RGS6: variants seen among roughly 807,000 people sequenced by gnomAD.
RGS6 encodes regulator of G-protein signaling 6.
Under a neutral mutation model 78.5 loss-of-function variants are expected in RGS6, and 30 were observed. The ratio of observed to expected loss-of-function variants is 0.38; its 90% CI spans 0.29 to 0.52. The LOEUF is 0.52. RGS6 is among the 20% of genes least tolerant of loss of function. The pLI, the probability that RGS6 is intolerant of heterozygous loss-of-function variation, is 0.85. For synonymous variants in RGS6, 206 were observed against 206.0 expected (o/e 1.00, Z 0.00); for missense variants, 495 against 609.7 (o/e 0.81, Z 1.98).
At chr14:72,410,111 T>C (rs1445181691) in intron 3 of RGS6, among the ~76,000 whole-genome samples, 2 of 152,216 alleles carry the variant, frequency 1.3e-5, no homozygotes, top group African/African-American at 2.4e-5. Context: ...ATGGTATTTC[T>C]AGTTCTACAT....
In RGS6 at chr14:72,460,059, C is replaced by T. The variant is rs148259859; in HGVS notation, c.394+376C>T. 7.3e-4 allele frequency among the ~76,000 whole-genome samples: 111 copies of T among 152,280 alleles called. 1 individual carries two copies. The highest frequency in any genetic ancestry group is 2.6e-3 in the African/African-American group (109 of 41,558). ...GGGCTGGATCAAGGGGCTACCTCCTCCTGGCCCTTTCTGTTCTCATAGACT... is the reference window on the plus strand; with the variant it reads ...GGGCTGGATCAAGGGGCTACCTCCTTCTGGCCCTTTCTGTTCTCATAGACT... On this transcript the variant is annotated intron_variant, in intron 6 of 17. Coordinates refer to ENST00000553525, the MANE Select transcript of RGS6 (RefSeq NM_001204424.2).
At chr14:72,584,226 T>G in the RGS6 span, among the ~76,000 whole-genome samples, 41 of 152,298 alleles carry the variant, frequency 2.7e-4, no homozygotes, top group African/African-American at 8.9e-4. Flanking sequence ...ACAGATTCAC[T>G]TAGCCAGTCA....
At chr14:72,352,591 C>A (rs749256284) in intron 3 of RGS6, among the ~76,000 whole-genome samples, 6 of 152,194 alleles carry the variant, frequency 3.9e-5, no homozygotes, top group Admixed American at 1.3e-4. Flanking sequence ...ACTCAGTGTA[C>A]TTGACCTCCT....
chr14:72,106,345 A>G (rs975122780), intron 2 of RGS6, among the ~76,000 whole-genome samples: 106 of 152,184 alleles, frequency 7.0e-4, no homozygotes, highest in African/African-American at 2.2e-3. Context: ...AAATGTTTGC[A>G]CTCCAGTGGA....
chr14:72,128,200 G>A (rs2096244077), intron 2 of RGS6, among the ~76,000 whole-genome samples: 1 of 152,148 alleles, frequency 6.6e-6, no homozygotes, highest in Non-Finnish European at 1.5e-5. Flanking sequence ...AAGAGTTAGA[G>A]TCACTTAGGA....
chr14:71,898,829 G>C, the RGS6 span, among the ~76,000 whole-genome samples: 1 of 152,100 alleles, frequency 6.6e-6, no homozygotes, highest in South Asian at 2.1e-4. Context: ...CCATGTCCCC[G>C]CAAGGGACAT....
chr14:72,206,924 T>C (rs1206917694), intron 2 of RGS6, among the ~76,000 whole-genome samples: 1 of 152,110 alleles, frequency 6.6e-6, no homozygotes, highest in African/African-American at 2.4e-5. Flanking sequence ...CTGTTAATAG[T>C]GGTTATTCTT....
intron 3 of RGS6, chr14:72,421,772 G>A (rs144624389): frequency 2.0e-5 from 3 of 152,130 alleles, no homozygotes; most frequent in African/African-American, 2.4e-5. Context: ...ACCCCTTATC[G>A]CCTGCACCCT....
intron 2 of RGS6, among the ~76,000 whole-genome samples, chr14:72,190,662 A>G (rs2097311918): frequency 6.6e-6 from 1 of 152,266 alleles, no homozygotes; most frequent in Non-Finnish European, 1.5e-5. Context: ...AGAAGCACAG[A>G]GACTTCTACA....
chr14:72,041,692 G>T (rs1424163756), intron 2 of RGS6, among the ~76,000 whole-genome samples: 1 of 152,172 alleles, frequency 6.6e-6, no homozygotes, highest in African/African-American at 2.4e-5. Context: ...TAATTCTGCT[G>T]TTCTTCACTT....
chr14:72,599,397 T>G, the RGS6 span, among the ~76,000 whole-genome samples: 2 of 6,574 alleles, frequency 3.0e-4, no homozygotes, highest in Admixed American at 9.8e-4. Context: ...TCTTTCCTTT[T>G]TTTTTTTTTT....
At chr14:72,108,572 A>T (rs1469601665) in intron 2 of RGS6, among the ~76,000 whole-genome samples, 1 of 151,892 alleles carries the variant, frequency 6.6e-6, no homozygotes, top group African/African-American at 2.4e-5. Flanking sequence ...TCTGTCTTCA[A>T]AATTTATCAA....
rs1433973073 is a variant in RGS6 at position 72,383,201 on chromosome 14, TATATATATATATAC to T, written c.184+31009_184+31022del. Among the ~76,000 whole-genome samples, 5 of 118,944 alleles carry T rather than the reference TATATATATATATAC, an allele frequency of 4.2e-5. 1 individual carries two copies. Among genetic ancestry groups the T allele is most frequent in the African/African-American group, 1.6e-4 (5 of 30,594 alleles). 78.0% of individuals were successfully genotyped at this position (118,944 alleles called of 152,430 possible). A position where few individuals can be genotyped will look rare whatever the true frequency, so the allele number is the denominator to read the frequency against. On this transcript the variant is annotated intron_variant, in intron 3 of 17. Coordinates refer to ENST00000553525, the MANE Select transcript of RGS6 (RefSeq NM_001204424.2). The stretch of plus-strand genomic sequence containing the variant: ...ACATATATATATATATATATATATA[TATATATATATATAC>T]ACACAAACACACTAGTATGTGTGTG...
chr14:72,103,054 T>A (rs1374019273), intron 2 of RGS6, among the ~76,000 whole-genome samples: 1 of 152,178 alleles, frequency 6.6e-6, no homozygotes, highest in African/African-American at 2.4e-5. Flanking sequence ...TTAGGAGGAA[T>A]TTGAGACCTC....
At chr14:71,916,527 T>C in the RGS6 span, among the ~76,000 whole-genome samples, 1,457 of 152,266 alleles carry the variant, frequency 9.6e-3, 34 homozygotes, top group African/African-American at 0.033. Context: ...GCTTTGAGGA[T>C]TGAAAAGAAA....
chr14:72,140,434 C>A (rs1157725716), intron 2 of RGS6, among the ~76,000 whole-genome samples: 2 of 152,144 alleles, frequency 1.3e-5, no homozygotes, highest in African/African-American at 4.8e-5. Flanking sequence ...GGAATTGACA[C>A]AAGATGTTAA....
rs144088283 is a variant in RGS6, at chr14:72,124,497, A to G, written c.84+159622A>G. Among the ~76,000 whole-genome samples the G allele has an allele frequency of 6.9e-3, 1,055 of 152,320 alleles. 32 individuals are homozygous for G. Among genetic ancestry groups the G allele is most frequent in the Admixed American group, 0.06 (922 of 15,286 alleles). Reference sequence around the variant, plus strand: ...TTTTTGCTAGGATTCTTAACTGCACAAGACAAATTACTGTAGGATGTCTCT... The same window carrying G: ...TTTTTGCTAGGATTCTTAACTGCACGAGACAAATTACTGTAGGATGTCTCT... On this transcript the variant is annotated intron_variant, in intron 2 of 17. Coordinates refer to ENST00000553525, the MANE Select transcript of RGS6 (RefSeq NM_001204424.2).
At chr14:72,069,746 G>T (rs1179084026) in intron 2 of RGS6, among the ~76,000 whole-genome samples, 1 of 152,038 alleles carries the variant, frequency 6.6e-6, no homozygotes, top group Non-Finnish European at 1.5e-5. Context: ...CACCATGTTG[G>T]CCAGGCTGGT....
intron 15 of RGS6, among the ~76,000 whole-genome samples, chr14:72,530,160 C>A (rs1430798116): frequency 6.6e-6 from 1 of 152,146 alleles, no homozygotes; most frequent in Non-Finnish European, 1.5e-5. Flanking sequence ...GGGAGGTTTC[C>A]TCACTTCTTA....
Sources: gnomAD v4.1 joint callset for allele counts (sites outside exome capture counted in the v4.1 genomes callset) on GRCh38, gnomAD v4.1.1 for gene constraint, MANE v1.5 for transcripts, NCBI Gene and HGNC (gene_info 2026-07-23, HGNC 2026-07-21) for gene names.